The following ALPK2 variants were observed in gnomAD, a reference collection of about 807,000 sequenced individuals.
ALPK2 encodes the protein alpha kinase 2.
ALPK2 carries 127 observed loss-of-function variants against 163.1 expected under a neutral mutation model. The ratio of observed to expected loss-of-function variants is 0.78; its 90% CI spans 0.67 to 0.90. ALPK2 has a LOEUF of 0.90. ALPK2 is among the 40% of genes least tolerant of loss of function. The pLI, the probability that ALPK2 is intolerant of heterozygous loss-of-function variation, is 0.00. For synonymous variants in ALPK2, 953 were observed against 959.1 expected (o/e 0.99, Z 0.12); for missense variants, 2,360 against 2,589.6 (o/e 0.91, Z 1.92).
intron 10 of ALPK2, among the ~76,000 whole-genome samples, chr18:58,505,040 G>T (rs1034586544): frequency 3.3e-5 from 5 of 152,084 alleles, no homozygotes; most frequent in African/African-American, 1.2e-4. Flanking sequence ...AGACCATTTG[G>T]AAAACTTTCC....
At chr18:58,571,427 G>GA (rs77059313) in intron 4 of ALPK2, among the ~76,000 whole-genome samples, 1,845 of 108,708 alleles carry the variant, frequency 0.017, 37 homozygotes, top group African/African-American at 0.053. Flanking sequence ...ACATCCACAG[G>GA]AAAAAAAAAA....
chr18:58,512,449 T>C (rs1423237502), intron 10 of ALPK2: 1 of 152,052 alleles, frequency 6.6e-6, no homozygotes, highest in Non-Finnish European at 1.5e-5. Context: ...TGCCTGGAAA[T>C]AAATATGGGG....
intron 11 of ALPK2, among the ~76,000 whole-genome samples, chr18:58,501,904 A>T (rs1262550218): frequency 2.6e-5 from 4 of 152,164 alleles, no homozygotes; most frequent in Non-Finnish European, 5.9e-5. Context: ...GGTTTTGATA[A>T]TGTACTATAG....
chr18:58,623,216 G>A (rs1464878987), intron 1 of ALPK2, among the ~76,000 whole-genome samples: 2 of 151,754 alleles, frequency 1.3e-5, no homozygotes, highest in Admixed American at 1.3e-4. Context: ...TTCATATAAT[G>A]CCTCCACTTG....
intron 1 of ALPK2, among the ~76,000 whole-genome samples, chr18:58,612,707 G>A (rs2052139311): frequency 1.3e-5 from 2 of 152,248 alleles, no homozygotes; most frequent in African/African-American, 4.8e-5. Flanking sequence ...GAGGGCGCAG[G>A]TTGGTCTGAA....
At chr18:58,491,889 C>T (rs1189318775) in intron 12 of ALPK2, among the ~76,000 whole-genome samples, 2 of 152,370 alleles carry the variant, frequency 1.3e-5, no homozygotes, top group East Asian at 3.9e-4. Flanking sequence ...CCACTAGGTA[C>T]AGGCTTTTTG....
At chr18:58,529,334 T>G (rs1197902908) in intron 5 of ALPK2, 96 bp from the exon 6 acceptor site, 1 of 1,278,086 alleles carries the variant, frequency 7.8e-7, no homozygotes, top group East Asian at 2.4e-5. Flanking sequence ...GGAATATTAA[T>G]TATTATCCCC....
chr18:58,485,756 C>T (rs981534340), intron 12 of ALPK2, among the ~76,000 whole-genome samples: 1 of 151,878 alleles, frequency 6.6e-6, no homozygotes, highest in Non-Finnish European at 1.5e-5. Context: ...CCTGCTCCGT[C>T]AGGATGGATG....
intron 4 of ALPK2, among the ~76,000 whole-genome samples, chr18:58,569,155 G>A (rs1156300445): frequency 6.6e-6 from 1 of 152,182 alleles, no homozygotes; most frequent in Non-Finnish European, 1.5e-5. Flanking sequence ...GTAGTAAGCA[G>A]TAACCAGGCC....
intron 1 of ALPK2, among the ~76,000 whole-genome samples, chr18:58,619,985 T>C (rs1047879225): frequency 2.0e-5 from 3 of 152,148 alleles, no homozygotes; most frequent in Non-Finnish European, 4.4e-5. Context: ...CACTGAGCAA[T>C]AACAAAGAAC....
chr18:58,518,184 C>G lies in ALPK2; in HGVS notation c.5666-1002G>C, dbSNP rs77506905. On this transcript the variant is annotated intron_variant, in intron 8 of 12. Transcript: ENST00000361673. ...AGAGATCATGGGTTGTGTGAAAAAT[C>G]TTACTTCACATTTCTATATACATGC... Among the ~76,000 whole-genome samples, 413 of 152,256 alleles carry G rather than the reference C, an allele frequency of 2.7e-3. 18 individuals carry two copies. The East Asian group carries it at 0.073, about 27-fold the overall frequency.
Position 58,536,648 on chromosome 18 carries a change from C to G in ALPK2, c.3539G>C (p.Arg1180Thr), listed in dbSNP as rs2051650126. The stretch of plus-strand genomic sequence containing the variant: ...ACCTGAGCGCTGCCCTGCTCCTTCC[C>G]TAGAGCTTGCGGGTGAGTGGGCCGT... ...VPTAHSPASS[R>T]EGAGQRSGWG... The change falls in exon 5 of 13, where the codon AGG becomes ACG. Residue 1180 changes from arginine to threonine, a missense_variant. Transcript: ENST00000361673. 1 of 1,614,074 alleles carries G rather than the reference C, an allele frequency of 6.2e-7. No homozygotes were observed. The highest frequency in any genetic ancestry group is 1.3e-5 in the African/African-American group (1 of 74,924).
chr18:58,590,674 G>A (rs2052010632), intron 3 of ALPK2, among the ~76,000 whole-genome samples: 1 of 152,168 alleles, frequency 6.6e-6, no homozygotes, highest in Admixed American at 6.5e-5. Context: ...CCAAAACTAT[G>A]TTTGTCCTGG....
chr18:58,624,449 C>CTT (rs60271669), intron 1 of ALPK2, among the ~76,000 whole-genome samples: 1 of 127,306 alleles, frequency 7.9e-6, no homozygotes, highest in Non-Finnish European at 1.7e-5. Flanking sequence ...TGATTTCTTT[C>CTT]TTTTTTTTTT....
intron 5 of ALPK2, among the ~76,000 whole-genome samples, chr18:58,533,312 T>G (rs1170949207): frequency 2.0e-5 from 3 of 152,216 alleles, no homozygotes; most frequent in Non-Finnish European, 2.9e-5. Flanking sequence ...AAGGTGGTTT[T>G]GCTTGTCTAC....
chr18:58,485,744 G>C (rs1353891621), intron 12 of ALPK2, among the ~76,000 whole-genome samples: 1 of 152,164 alleles, frequency 6.6e-6, no homozygotes, highest in Non-Finnish European at 1.5e-5. Context: ...TGAGACGCAG[G>C]GCCTGCTCCG....
intron 10 of ALPK2, among the ~76,000 whole-genome samples, chr18:58,509,583 G>T (rs1050723780): frequency 6.6e-6 from 1 of 151,734 alleles, no homozygotes; most frequent in Non-Finnish European, 1.5e-5. Flanking sequence ...ATTCTAACTG[G>T]TGTGAGATGG....
At chr18:58,502,165 CACACACACACACACAA>C (rs1315678668) in intron 11 of ALPK2, among the ~76,000 whole-genome samples, 3 of 145,346 alleles carry the variant, frequency 2.1e-5, no homozygotes, top group Non-Finnish European at 4.5e-5. Context: ...CACACACACA[CACACACACACACACAA>C]AGAAAAAAAA....
intron 1 of ALPK2, among the ~76,000 whole-genome samples, chr18:58,614,429 G>T (rs1257546887): frequency 2.0e-5 from 3 of 152,136 alleles, no homozygotes; most frequent in Non-Finnish European, 4.4e-5. Flanking sequence ...ATGACATGGG[G>T]CTCCGGTTCA....
Sources: allele counts gnomAD v4.1 joint callset (sites outside exome capture counted in the v4.1 genomes callset), GRCh38; gene constraint gnomAD v4.1.1; transcripts MANE v1.5; gene names NCBI Gene and HGNC (gene_info 2026-07-23, HGNC 2026-07-21).